EXOC2: variants seen among roughly 807,000 people sequenced by gnomAD.
EXOC2 encodes SEC5-like 1.
EXOC2 carries 70 observed loss-of-function variants against 131.8 expected under a neutral mutation model. The observed-to-expected ratio is 0.53, with a 90% confidence interval of 0.44 to 0.65. The LOEUF is 0.65. Ranked by LOEUF, EXOC2 falls within the 30% of genes least tolerant of loss-of-function variation. The pLI, the probability that EXOC2 is intolerant of heterozygous loss-of-function variation, is 0.00. For missense variants in EXOC2, 923 were observed against 1,108.6 expected (o/e 0.83, Z 2.38); for synonymous variants, 411 against 398.4 (o/e 1.03, Z -0.38).
chr6:669,919 CCT>C (rs979850790), intron 1 of EXOC2: 5 of 152,260 alleles, frequency 3.3e-5, no homozygotes, highest in African/African-American at 1.2e-4. Context: ...CTCTGCAGTG[CCT>C]CTCTTACTGG....
intron 7 of EXOC2, among the ~76,000 whole-genome samples, chr6:608,288 C>T (rs774884432): frequency 3.9e-5 from 6 of 152,212 alleles, no homozygotes; most frequent in East Asian, 1.9e-4. Context: ...TGGCTTAGCA[C>T]GGGGCTTGAC....
intron 23 of EXOC2, among the ~76,000 whole-genome samples, chr6:501,261 CTATATATTATATATATCTA>C (rs1393343006): frequency 4.0e-4 from 1 of 2,480 alleles, no homozygotes. Flanking sequence ...TTATATATAT[CTATATATTATATATATCTA>C]TATATATTAT....
chr6:687,364 G>A (rs965987346), intron 1 of EXOC2, among the ~76,000 whole-genome samples: 8 of 151,606 alleles, frequency 5.3e-5, no homozygotes, highest in Non-Finnish European at 8.8e-5. Flanking sequence ...TCTAATTTTT[G>A]TAGAAAAGGG....
intron 22 of EXOC2, 42 bp from the exon 23 acceptor site, chr6:532,652 GT>G: frequency 7.2e-7 from 1 of 1,388,184 alleles, no homozygotes; most frequent in Non-Finnish European, 9.4e-7. Flanking sequence ...CTATTTGAGG[GT>G]GATGGAAAAA....
intron 1 of EXOC2, chr6:656,566 T>G: frequency 6.3e-7 from 1 of 1,592,656 alleles, no homozygotes; most frequent in Non-Finnish European, 8.5e-7. Flanking sequence ...TGCACCACGC[T>G]GCGAGCGCGG....
At chr6:653,583 A>C (rs1369130835) in intron 1 of EXOC2, among the ~76,000 whole-genome samples, 2 of 152,238 alleles carry the variant, frequency 1.3e-5, no homozygotes, top group African/African-American at 4.8e-5. Context: ...GCAGAAGAAA[A>C]GGCTGTAGTT....
chr6:612,442 T>G (rs1047956537), intron 6 of EXOC2, among the ~76,000 whole-genome samples: 9 of 152,246 alleles, frequency 5.9e-5, no homozygotes, highest in African/African-American at 1.7e-4. Flanking sequence ...TTAGTTTCTA[T>G]TTCTTATTTT....
intron 1 of EXOC2, among the ~76,000 whole-genome samples, chr6:665,448 A>G (rs1747579): frequency 0.089 from 13,606 of 152,314 alleles, 692 homozygotes; most frequent in Admixed American, 0.13. Flanking sequence ...TACCCAGAAG[A>G]AAATAACTGA....
At chr6:512,040 G>T (rs886346430) in intron 23 of EXOC2, among the ~76,000 whole-genome samples, 5 of 152,194 alleles carry the variant, frequency 3.3e-5, no homozygotes, top group African/African-American at 1.2e-4. Flanking sequence ...TCCCTCATGG[G>T]TTGGTGTTTG....
chr6:564,743 T>C lies in EXOC2; in HGVS notation c.1510-41A>G, dbSNP rs148836050. 2.7e-4 allele frequency: 429 copies of C among 1,574,434 alleles called. 1 individual carries two copies. In the African/African-American group the frequency reaches 5.3e-3, roughly 19 times the overall value. On this transcript the variant is annotated intron_variant, in intron 14 of 27. Coordinates refer to ENST00000230449, the MANE Select transcript of EXOC2 (RefSeq NM_018303.6). ...CAAGCATAACCGTGTTCAAATGTGA[T>C]TAATCGGGTTACATTAACTAAAAGA...
intron 1 of EXOC2, among the ~76,000 whole-genome samples, chr6:674,389 G>A (rs2127782823): frequency 6.6e-6 from 1 of 152,156 alleles, no homozygotes; most frequent in South Asian, 2.1e-4. Flanking sequence ...TTTGGATCAT[G>A]TTTCCTCAAA....
intron 4 of EXOC2, 58 bp downstream of exon 4, chr6:629,777 A>G (rs987272909): frequency 1.3e-6 from 2 of 1,595,160 alleles, no homozygotes; most frequent in Non-Finnish European, 1.7e-6. Flanking sequence ...TCCTGTAAGT[A>G]TATAAAACTT....
intron 22 of EXOC2, among the ~76,000 whole-genome samples, chr6:545,095 C>A (rs540582762): frequency 3.5e-5 from 5 of 144,056 alleles, no homozygotes; most frequent in African/African-American, 1.3e-4. Context: ...TGCAGTGAGC[C>A]GAGATTGCGC....
chr6:598,779 ATAACAT>A, intron 9 of EXOC2, 75 bp downstream of exon 9: 1 of 1,171,044 alleles, frequency 8.5e-7, no homozygotes, highest in South Asian at 1.4e-5. Context: ...AAAAACTCAT[ATAACAT>A]TCTTTGCAGA....
chr6:570,720 A>G (rs1172020763), intron 13 of EXOC2, among the ~76,000 whole-genome samples: 26 of 152,192 alleles, frequency 1.7e-4, no homozygotes. Flanking sequence ...AGGTGCAGAG[A>G]AGTAATTTGC....
At chr6:523,902 G>A (rs544726106) in intron 23 of EXOC2, among the ~76,000 whole-genome samples, 9 of 152,290 alleles carry the variant, frequency 5.9e-5, no homozygotes, top group South Asian at 4.1e-4. Context: ...AATTGATAAC[G>A]TGAATACAAT....
chr6:613,540 C>T (rs1419579491), intron 6 of EXOC2, among the ~76,000 whole-genome samples: 1 of 152,248 alleles, frequency 6.6e-6, no homozygotes, highest in Non-Finnish European at 1.5e-5. Flanking sequence ...ACAAGGATGG[C>T]ACAGACCAGA....
At chr6:568,368 A>G (rs933617478) in intron 13 of EXOC2, among the ~76,000 whole-genome samples, 1 of 152,216 alleles carries the variant, frequency 6.6e-6, no homozygotes, top group Admixed American at 6.5e-5. Context: ...ATGTGCCTTC[A>G]TAGTTGAACC....
At chr6:587,460 G>A (rs1265184724) in intron 11 of EXOC2, among the ~76,000 whole-genome samples, 1 of 152,168 alleles carries the variant, frequency 6.6e-6, no homozygotes, top group Non-Finnish European at 1.5e-5. Context: ...TAGCCAGGAT[G>A]GTCTCGATCT....
Sources: allele counts gnomAD v4.1 joint callset (sites outside exome capture counted in the v4.1 genomes callset), GRCh38; gene constraint gnomAD v4.1.1; transcripts MANE v1.5; gene names NCBI Gene and HGNC (gene_info 2026-07-23, HGNC 2026-07-21).